PLCB1: variants seen among roughly 807,000 people sequenced by gnomAD.
The protein encoded by PLCB1 is 1-phosphatidylinositol 4,5-bisphosphate phosphodiesterase beta-1.
In PLCB1, 46 loss-of-function variants were observed where a neutral mutation model predicts 161.8. That is an observed-to-expected ratio of 0.28 (90% CI 0.22 to 0.36). PLCB1 has a LOEUF of 0.36. Among genes scored for constraint, PLCB1 ranks in the 10% least tolerant of loss-of-function variants. The pLI is 1.00. For missense variants in PLCB1, 1,016 were observed against 1,472.5 expected (o/e 0.69, Z 5.07); for synonymous variants, 517 against 503.7 (o/e 1.03, Z -0.35).
chr20:8,844,865 C>T (rs1268764423), intron 31 of PLCB1, among the ~76,000 whole-genome samples: 3 of 152,096 alleles, frequency 2.0e-5, no homozygotes, highest in Non-Finnish European at 4.4e-5. Flanking sequence ...AATCCCAACA[C>T]TTTGGGAGGC....
chr20:8,761,666 G>A (rs992824641), intron 25 of PLCB1, among the ~76,000 whole-genome samples: 4 of 151,994 alleles, frequency 2.6e-5, no homozygotes, highest in Non-Finnish European at 5.9e-5. Context: ...TTACAAGCAC[G>A]TGCCACCACA....
chr20:8,783,956 G>A lies in PLCB1; in HGVS notation c.3112-4493G>A, dbSNP rs532872007. ...GGTAAAATATACAGCAGCTCCCAAG[G>A]GAAGCATGTGGGTGAGGCCATTCTC... On this transcript the variant is annotated intron_variant, in intron 27 of 31. Transcript: ENST00000338037. 2.6e-5 allele frequency among the ~76,000 whole-genome samples: 4 copies of A among 152,240 alleles called. No individual in the cohort carries two copies. The South Asian group carries it at 8.3e-4, about 32-fold the overall frequency.
intron 3 of PLCB1, among the ~76,000 whole-genome samples, chr20:8,398,846 C>G (rs1337546533): frequency 3.3e-5 from 5 of 151,764 alleles, no homozygotes; most frequent in African/African-American, 1.2e-4. Context: ...GGAGAATTAG[C>G]TCTCTATCGT....
chr20:8,846,291 A>C (rs1986689632), intron 31 of PLCB1, among the ~76,000 whole-genome samples: 1 of 150,898 alleles, frequency 6.6e-6, no homozygotes, highest in African/African-American at 2.5e-5. Context: ...ATCTGCCCGC[A>C]TGATAAAATC....
chr20:8,807,026 C>T (rs1984570564), intron 31 of PLCB1, among the ~76,000 whole-genome samples: 2 of 152,192 alleles, frequency 1.3e-5, no homozygotes, highest in Middle Eastern at 3.4e-3. Flanking sequence ...AATAGATTCC[C>T]GAGGGCTGTT....
intron 1 of PLCB1, among the ~76,000 whole-genome samples, chr20:8,148,849 A>G (rs1403126098): frequency 6.6e-6 from 1 of 152,242 alleles, no homozygotes; most frequent in African/African-American, 2.4e-5. Context: ...TACTCCAATT[A>G]TTTAATTACC....
chr20:8,800,595 G>C (rs559380467), intron 31 of PLCB1, among the ~76,000 whole-genome samples: 68 of 152,242 alleles, frequency 4.5e-4, no homozygotes, highest in Non-Finnish European at 9.3e-4. Flanking sequence ...GTGTCAAAGA[G>C]AGTAGCCAGC....
At chr20:8,762,582 G>A (rs528681131) in intron 25 of PLCB1, among the ~76,000 whole-genome samples, 17 of 152,160 alleles carry the variant, frequency 1.1e-4, no homozygotes, top group African/African-American at 2.9e-4. Flanking sequence ...AAATAGAATT[G>A]CATCTGCCTC....
intron 15 of PLCB1, among the ~76,000 whole-genome samples, chr20:8,723,191 T>C (rs1401790854): frequency 6.6e-6 from 1 of 152,200 alleles, no homozygotes; most frequent in Non-Finnish European, 1.5e-5. Context: ...AAAGTTTTGC[T>C]TAATTATGTT....
intron 31 of PLCB1, among the ~76,000 whole-genome samples, chr20:8,819,046 T>A (rs1020495784): frequency 6.6e-6 from 1 of 152,164 alleles, no homozygotes; most frequent in African/African-American, 2.4e-5. Context: ...CCAAAATTTT[T>A]ATGGTAAAGC....
At chr20:8,146,222 G>A (rs928847881) in intron 1 of PLCB1, among the ~76,000 whole-genome samples, 4 of 151,156 alleles carry the variant, frequency 2.6e-5, no homozygotes, top group Non-Finnish European at 2.9e-5. Context: ...AACCTAAAAA[G>A]CCTCCCTTGC....
At chr20:8,220,804 C>T (rs1009776982) in intron 2 of PLCB1, among the ~76,000 whole-genome samples, 4 of 152,278 alleles carry the variant, frequency 2.6e-5, no homozygotes, top group Admixed American at 1.3e-4. Context: ...GAAACTAATA[C>T]AAGTGTTCAT....
intron 3 of PLCB1, among the ~76,000 whole-genome samples, chr20:8,543,636 C>T (rs944950781): frequency 1.7e-4 from 16 of 95,530 alleles, no homozygotes; most frequent in Non-Finnish European, 2.9e-4. Flanking sequence ...AAAAAAAAAA[C>T]CTGTTGGACA....
At chr20:8,773,658 TTG>T (rs1029752090) in intron 26 of PLCB1, among the ~76,000 whole-genome samples, 13 of 152,124 alleles carry the variant, frequency 8.5e-5, no homozygotes, top group Non-Finnish European at 1.9e-4. Flanking sequence ...CTTATTTTCA[TTG>T]TGTGTCTTTG....
At chr20:8,864,172 G>T (rs769822905) in intron 31 of PLCB1, among the ~76,000 whole-genome samples, 1 of 152,190 alleles carries the variant, frequency 6.6e-6, no homozygotes, top group Non-Finnish European at 1.5e-5. Context: ...AGGGGGAAAT[G>T]ATGTGGTAGG....
At chr20:8,371,857 C>T in intron 3 of PLCB1, 1 of 160,048 alleles carries the variant, frequency 6.2e-6, no homozygotes, top group Non-Finnish European at 1.4e-5. Context: ...GAAATGATTC[C>T]ATCCACAATG....
chr20:8,484,400 C>T (rs1411299633), intron 3 of PLCB1, among the ~76,000 whole-genome samples: 4 of 150,152 alleles, frequency 2.7e-5, no homozygotes, highest in Admixed American at 1.3e-4. Context: ...CTCCCTCTGT[C>T]GTCCAGGCTG....
chr20:8,485,845 G>C (rs6055850), intron 3 of PLCB1, among the ~76,000 whole-genome samples: 1 of 151,456 alleles, frequency 6.6e-6, no homozygotes, highest in Non-Finnish European at 1.5e-5. Context: ...ACAGAGGTAT[G>C]GAAACCCTCC....
chr20:8,683,584 C>T (rs957151167), intron 9 of PLCB1, among the ~76,000 whole-genome samples: 3 of 152,242 alleles, frequency 2.0e-5, no homozygotes, highest in African/African-American at 7.2e-5. Flanking sequence ...TGTATCAAAA[C>T]ATCCAGTTGT....
Sources: gnomAD v4.1 joint callset for allele counts (sites outside exome capture counted in the v4.1 genomes callset) on GRCh38, gnomAD v4.1.1 for gene constraint, MANE v1.5 for transcripts, NCBI Gene and HGNC (gene_info 2026-07-23, HGNC 2026-07-21) for gene names.